The following TMEM182 variants were observed in gnomAD, a reference collection of about 807,000 sequenced individuals.
TMEM182 encodes transmembrane protein 182.
TMEM182 carries 20 observed loss-of-function variants against 26.8 expected under a neutral mutation model. The observed-to-expected ratio is 0.75, with a 90% confidence interval of 0.53 to 1.09. TMEM182 has a LOEUF of 1.09. Ranked by LOEUF, TMEM182 falls within the 50% of genes least tolerant of loss-of-function variation. The pLI, the probability that TMEM182 is intolerant of heterozygous loss-of-function variation, is 0.00. For missense variants in TMEM182, 277 were observed against 275.5 expected, an observed-to-expected ratio of 1.01 and a Z score of -0.04; for synonymous variants, 109 against 102.2, an observed-to-expected ratio of 1.07 and a Z score of -0.40.
At chr2:102,759,969 G>A (rs1026031421), upstream of TMEM182, among the ~76,000 whole-genome samples, 4 of 152,172 alleles carry the variant, frequency 2.6e-5, no homozygotes, top group Admixed American at 2.0e-4. Context: ...GACCACTTGT[G>A]TAATCCAGGA....
chr2:102,825,753 G>A (rs1683019412), intron 3 of TMEM182, among the ~76,000 whole-genome samples: 1 of 152,208 alleles, frequency 6.6e-6, no homozygotes, highest in African/African-American at 2.4e-5. Flanking sequence ...TGATGTTTGA[G>A]CATTTCTACA....
intron 3 of TMEM182, among the ~76,000 whole-genome samples, chr2:102,796,168 T>A (rs576829695): frequency 2.6e-5 from 4 of 152,210 alleles, no homozygotes; most frequent in Admixed American, 6.5e-5. Flanking sequence ...TATTCGCACC[T>A]TTTACACAGT....
rs1682785633 is a variant in TMEM182, at chr2:102,817,176, A to T, written c.*2208A>T. The T allele has an allele frequency of 1.0e-6, 1 of 985,402 alleles. No individual in the cohort carries two copies. The highest frequency in any genetic ancestry group is 1.2e-6 in the Non-Finnish European group (1 of 829,868). 61.0% of individuals were successfully genotyped at this position (985,402 alleles called of 1,614,324 possible). A position where few individuals can be genotyped will look rare whatever the true frequency, so the allele number is the denominator to read the frequency against. Reference sequence around the variant, plus strand: ...TAAAAATGGCAGAGTTATATAGTACATTATTGTAGCAACCTTATATCTGAT... The same window carrying T: ...TAAAAATGGCAGAGTTATATAGTACTTTATTGTAGCAACCTTATATCTGAT... On this transcript the variant is annotated 3_prime_UTR_variant, in exon 5 of 5. Coordinates refer to ENST00000412401, the MANE Select transcript of TMEM182 (RefSeq NM_144632.5).
chr2:102,781,948 A>G (rs182008154), intron 3 of TMEM182, among the ~76,000 whole-genome samples: 175 of 152,296 alleles, frequency 1.1e-3, no homozygotes, highest in African/African-American at 3.9e-3. Context: ...GCTCAAAGGC[A>G]CCATAGTAAT....
At position 102,816,900 on chromosome 2, in the gene TMEM182, A is replaced by G; in HGVS notation, c.*1932A>G. 2.0e-6 allele frequency: 2 copies of G among 985,774 alleles called. No individual in the cohort carries two copies. The highest frequency in any genetic ancestry group is 2.4e-6 in the Non-Finnish European group (2 of 829,834). 61.1% of individuals were successfully genotyped at this position (985,774 alleles called of 1,614,324 possible). ...AGCTGCTTTCGGCAAAGGCTTGAATATTTATAAATTTCAGATGGTTATCCT... is the reference window on the plus strand; with the variant it reads ...AGCTGCTTTCGGCAAAGGCTTGAATGTTTATAAATTTCAGATGGTTATCCT... On this transcript the variant is annotated 3_prime_UTR_variant, in exon 5 of 5. Transcript: ENST00000412401.
At chr2:102,758,792 T>C (rs1169049579), upstream of TMEM182, among the ~76,000 whole-genome samples, 16 of 152,238 alleles carry the variant, frequency 1.1e-4, no homozygotes, top group Non-Finnish European at 1.5e-5. Context: ...AGTTTTATGA[T>C]AGCAAAAGTA....
At chr2:102,749,271 A>G (rs1679806983) in intron 1 of TMEM182, among the ~76,000 whole-genome samples, 1 of 152,208 alleles carries the variant, frequency 6.6e-6, no homozygotes, top group Non-Finnish European at 1.5e-5. Context: ...ACATTCTACA[A>G]CATGAATGAA....
intron 4 of TMEM182, among the ~76,000 whole-genome samples, chr2:102,812,421 A>ACG (rs1553443847): frequency 2.0e-5 from 3 of 148,164 alleles, no homozygotes; most frequent in African/African-American, 7.8e-5. Context: ...ACACACACAC[A>ACG]CACACACACT....
At chr2:102,744,407 C>T (rs953896833) in intron 1 of TMEM182, among the ~76,000 whole-genome samples, 6 of 151,902 alleles carry the variant, frequency 3.9e-5, no homozygotes, top group Non-Finnish European at 7.4e-5. Flanking sequence ...AAAAATGCTG[C>T]GTAGAGGGAA....
intron 1 of TMEM182, among the ~76,000 whole-genome samples, chr2:102,743,940 A>G (rs1181620053): frequency 6.6e-6 from 1 of 152,206 alleles, no homozygotes; most frequent in Non-Finnish European, 1.5e-5. Flanking sequence ...TGAACCTAAC[A>G]AAGTACTTGA....
chr2:102,816,991 G>A lies in TMEM182; in HGVS notation c.*2023G>A. The A allele has an allele frequency of 1.0e-6, 1 of 985,744 alleles. No individual in the cohort carries two copies. The highest frequency in any genetic ancestry group is 1.2e-6 in the Non-Finnish European group (1 of 829,874). The allele number at this position is 985,744 out of a possible 1,614,324, so 61.1% of individuals were successfully genotyped here. A position where few individuals can be genotyped will look rare whatever the true frequency, so the allele number is the denominator to read the frequency against. ...TATGACAATTGGCTGAATAGCTGATGTGTATGACACTTTTACACAGATTTG... is the reference window on the plus strand; with the variant it reads ...TATGACAATTGGCTGAATAGCTGATATGTATGACACTTTTACACAGATTTG... On this transcript the variant is annotated 3_prime_UTR_variant, in exon 5 of 5. Transcript: ENST00000412401.
At chr2:102,760,843 C>T (rs931759557), upstream of TMEM182, among the ~76,000 whole-genome samples, 6 of 152,028 alleles carry the variant, frequency 3.9e-5, no homozygotes, top group Non-Finnish European at 7.4e-5. Context: ...GGTCTCCACC[C>T]GCCTCGGCCT....
chr2:102,810,152 A>G (rs141963376), intron 4 of TMEM182, among the ~76,000 whole-genome samples: 52 of 152,318 alleles, frequency 3.4e-4, no homozygotes, highest in African/African-American at 1.2e-3. Context: ...ATGTAAGAGT[A>G]TATGTGCTTC....
At chr2:102,802,943 G>A (rs1301229095) in intron 4 of TMEM182, among the ~76,000 whole-genome samples, 5 of 152,176 alleles carry the variant, frequency 3.3e-5, no homozygotes, top group African/African-American at 4.8e-5. Flanking sequence ...GCTGCAGAAA[G>A]TAGAAACAGA....
upstream of TMEM182, chr2:102,761,949 G>C: frequency 2.9e-6 from 1 of 339,598 alleles, no homozygotes; most frequent in Non-Finnish European, 5.5e-6. Flanking sequence ...GAGAAAGACA[G>C]CTCCTCAATC....
At chr2:102,794,865 A>G (rs1681803746) in intron 3 of TMEM182, among the ~76,000 whole-genome samples, 1 of 152,146 alleles carries the variant, frequency 6.6e-6, no homozygotes, top group African/African-American at 2.4e-5. Flanking sequence ...TTCAGGCATT[A>G]CTTTTATGAA....
intron 3 of TMEM182, among the ~76,000 whole-genome samples, chr2:102,794,021 G>T (rs1681761124): frequency 6.6e-6 from 1 of 152,198 alleles, no homozygotes. Flanking sequence ...AGTGAGCTGT[G>T]ATTACATGAC....
intron 1 of TMEM182, among the ~76,000 whole-genome samples, chr2:102,740,116 C>A (rs1361013273): frequency 1.3e-5 from 2 of 152,122 alleles, no homozygotes; most frequent in Admixed American, 1.3e-4. Context: ...ATTAAGATGA[C>A]CATTCTCATT....
chr2:102,752,396 C>T (rs1428227110), intron 1 of TMEM182, among the ~76,000 whole-genome samples: 1 of 152,186 alleles, frequency 6.6e-6, no homozygotes, highest in Admixed American at 6.5e-5. Flanking sequence ...AGTGCTTACC[C>T]CATACCACAT....
Sources: gnomAD v4.1 joint callset for allele counts (sites outside exome capture counted in the v4.1 genomes callset) on GRCh38, gnomAD v4.1.1 for gene constraint, MANE v1.5 for transcripts, NCBI Gene and HGNC (gene_info 2026-07-23, HGNC 2026-07-21) for gene names.